ARB2A: variants seen among roughly 807,000 people sequenced by gnomAD.
The protein encoded by ARB2A is ARB2 cotranscriptional regulator A.
chr5:94,018,750 G>C, the ARB2A span, among the ~76,000 whole-genome samples: 1 of 151,756 alleles, frequency 6.6e-6, no homozygotes, highest in Non-Finnish European at 1.5e-5. Context: ...TAGATTCAGT[G>C]CTATCCCCAT....
chr5:93,937,450 A>G, the ARB2A span, among the ~76,000 whole-genome samples: 13 of 151,404 alleles, frequency 8.6e-5, no homozygotes, highest in African/African-American at 3.2e-4. Flanking sequence ...AAAAAAAAAA[A>G]TACAAAAAAA....
At chr5:93,935,364 T>C in the ARB2A span, among the ~76,000 whole-genome samples, 1 of 152,068 alleles carries the variant, frequency 6.6e-6, no homozygotes, top group African/African-American at 2.4e-5. Flanking sequence ...GAAGGGAATT[T>C]TGGGCAAACA....
the ARB2A span, among the ~76,000 whole-genome samples, chr5:93,717,320 T>C: frequency 6.6e-6 from 1 of 152,090 alleles, no homozygotes; most frequent in African/African-American, 2.4e-5. Flanking sequence ...TCATGACCAA[T>C]AGGTCAGCAC....
At chr5:93,657,967 C>T in the ARB2A span, among the ~76,000 whole-genome samples, 9 of 152,070 alleles carry the variant, frequency 5.9e-5, no homozygotes, top group Non-Finnish European at 1.3e-4. Flanking sequence ...TAAAATAATG[C>T]TTCCTATTTT....
At chr5:93,741,902 A>G in the ARB2A span, among the ~76,000 whole-genome samples, 20 of 580 alleles carry the variant, frequency 0.034, no homozygotes, top group Admixed American at 0.083. Context: ...GCCTGTTCAG[A>G]AACTCTGGAC....
chr5:93,816,030 AG>A, the ARB2A span, among the ~76,000 whole-genome samples: 1 of 152,224 alleles, frequency 6.6e-6, no homozygotes, highest in Non-Finnish European at 1.5e-5. Context: ...CCCTTAACAA[AG>A]ATCAAGTATG....
chr5:94,019,405 A>G, the ARB2A span, among the ~76,000 whole-genome samples: 14 of 152,256 alleles, frequency 9.2e-5, no homozygotes, highest in African/African-American at 3.4e-4. Context: ...TCTGACAAAG[A>G]GCTAATATCC....
chr5:93,690,917 C>T, the ARB2A span, among the ~76,000 whole-genome samples: 2 of 152,096 alleles, frequency 1.3e-5, no homozygotes, highest in African/African-American at 4.8e-5. Context: ...GAGTGGACCT[C>T]CAGCAAACTC....
chr5:93,896,233 A>G, the ARB2A span, among the ~76,000 whole-genome samples: 26 of 152,080 alleles, frequency 1.7e-4, no homozygotes, highest in African/African-American at 6.3e-4. Flanking sequence ...CAAAAGAGAT[A>G]CTACAGATTG....
chr5:93,740,351 A>C, the ARB2A span: 5 of 528,358 alleles, frequency 9.5e-6, no homozygotes, highest in Non-Finnish European at 1.3e-5. Flanking sequence ...AACCAATGCT[A>C]GGGAAAAACA....
chr5:93,670,534 A>C, the ARB2A span, among the ~76,000 whole-genome samples: 399 of 152,340 alleles, frequency 2.6e-3, 2 homozygotes, highest in African/African-American at 8.6e-3. Context: ...AGCATAACTC[A>C]GGGCCATGTA....
chr5:93,871,162 A>T, the ARB2A span, among the ~76,000 whole-genome samples: 1 of 152,242 alleles, frequency 6.6e-6, no homozygotes, highest in East Asian at 1.9e-4. Flanking sequence ...TTTTATCATC[A>T]CTGATAACTT....
At chr5:93,776,252 T>C in the ARB2A span, 1 of 1,595,496 alleles carries the variant, frequency 6.3e-7, no homozygotes, top group South Asian at 1.2e-5. Context: ...TTCTGCAATG[T>C]AATAGAGACA....
the ARB2A span, among the ~76,000 whole-genome samples, chr5:93,936,099 T>C: frequency 6.6e-6 from 1 of 152,072 alleles, no homozygotes; most frequent in Non-Finnish European, 1.5e-5. Flanking sequence ...TAACAAAGAG[T>C]TAAACTGAAT....
the ARB2A span, chr5:93,881,461 C>G: frequency 6.3e-7 from 1 of 1,583,326 alleles, no homozygotes. Flanking sequence ...AAGTAGTGAT[C>G]TCACTCACTC....
At chr5:93,863,833 AT>A in the ARB2A span, 1 of 152,046 alleles carries the variant, frequency 6.6e-6, no homozygotes, top group Admixed American at 6.5e-5. Flanking sequence ...TCATAAATAT[AT>A]TTTTAAATAT....
At chr5:93,927,033 G>C in the ARB2A span, among the ~76,000 whole-genome samples, 1 of 148,718 alleles carries the variant, frequency 6.7e-6, no homozygotes, top group Admixed American at 6.6e-5. Context: ...TGCTTGGAAT[G>C]TGCCAGAAAA....
At chr5:93,679,769 A>G in the ARB2A span, among the ~76,000 whole-genome samples, 1 of 152,128 alleles carries the variant, frequency 6.6e-6, no homozygotes, top group Non-Finnish European at 1.5e-5. Context: ...AAAGAGAAAA[A>G]CTTAATATGT....
At chr5:93,914,537 G>A in the ARB2A span, among the ~76,000 whole-genome samples, 5 of 151,850 alleles carry the variant, frequency 3.3e-5, no homozygotes, top group Non-Finnish European at 7.4e-5. Context: ...TAATTTATCT[G>A]AAAATTACAT....
Sources: gnomAD v4.1 joint callset for allele counts (sites outside exome capture counted in the v4.1 genomes callset) on GRCh38, gnomAD v4.1.1 for gene constraint, MANE v1.5 for transcripts, NCBI Gene and HGNC (gene_info 2026-07-23, HGNC 2026-07-21) for gene names.